GLMN: variants seen among roughly 807,000 people sequenced by gnomAD.
GLMN encodes glomulin.
A neutral mutation model predicts 87.8 loss-of-function variants in GLMN; 75 were observed. The ratio of observed to expected loss-of-function variants is 0.85; its 90% CI spans 0.71 to 1.04. The LOEUF (loss-of-function observed/expected upper bound fraction) is 1.04. GLMN is among the 50% of genes least tolerant of loss of function. The pLI, the probability that GLMN is intolerant of heterozygous loss-of-function variation, is 0.00. For synonymous variants in GLMN, 206 were observed against 221.6 expected, an observed-to-expected ratio of 0.93 and a Z score of 0.63; for missense variants, 588 against 658.8, an observed-to-expected ratio of 0.89 and a Z score of 1.18.
intron 7 of GLMN, among the ~76,000 whole-genome samples, chr1:92,276,098 G>A (rs991939288): frequency 1.3e-5 from 2 of 151,998 alleles, no homozygotes; most frequent in Non-Finnish European, 2.9e-5. Flanking sequence ...GCTGGGGTAT[G>A]CCTGTAAGTC....
chr1:92,286,733 G>T (rs1353811429), intron 6 of GLMN, 141 bp from the exon 7 acceptor site: 1 of 664,292 alleles, frequency 1.5e-6, no homozygotes, highest in South Asian at 1.6e-5. Flanking sequence ...CAAAACTCAT[G>T]TTGAAATTTA....
chr1:92,273,119 A>C lies in GLMN; in HGVS notation c.736-1467T>G, dbSNP rs188513536. Among the ~76,000 whole-genome samples, 107 of 152,286 alleles carry C rather than the reference A, an allele frequency of 7.0e-4. 1 individual carries two copies. Among genetic ancestry groups the C allele is most frequent in the African/African-American group, 2.5e-3 (103 of 41,570 alleles). ...ACTTAAGTGCAAGGTGCTGGGCCTGACTTTGTGGGGAATTATAAAGCCAAG... is the reference window on the plus strand; with the variant it reads ...ACTTAAGTGCAAGGTGCTGGGCCTGCCTTTGTGGGGAATTATAAAGCCAAG... On this transcript the variant is annotated intron_variant, in intron 7 of 18. Coordinates refer to ENST00000370360, the MANE Select transcript of GLMN (RefSeq NM_053274.3).
chr1:92,247,644 C>A (rs1160901880), intron 17 of GLMN, among the ~76,000 whole-genome samples: 2 of 152,162 alleles, frequency 1.3e-5, no homozygotes, highest in South Asian at 2.1e-4. Context: ...AATACAGATT[C>A]TTAATCAGAC....
intron 7 of GLMN, among the ~76,000 whole-genome samples, chr1:92,273,173 T>C (rs1443752826): frequency 1.3e-5 from 2 of 152,152 alleles, no homozygotes; most frequent in Non-Finnish European, 2.9e-5. Flanking sequence ...TTCAGGGACT[T>C]AAAATCTGCT....
At chr1:92,317,462 T>C in the GLMN span, among the ~76,000 whole-genome samples, 1 of 151,994 alleles carries the variant, frequency 6.6e-6, no homozygotes, top group Admixed American at 6.6e-5. Context: ...GAGCCGAGAT[T>C]GTGCCACTGC....
intron 16 of GLMN, among the ~76,000 whole-genome samples, chr1:92,258,972 C>T (rs936294386): frequency 6.6e-6 from 1 of 152,052 alleles, no homozygotes; most frequent in African/African-American, 2.4e-5. Context: ...ATTTATTATA[C>T]AAGATACAGT....
the GLMN span, among the ~76,000 whole-genome samples, chr1:92,348,026 T>C: frequency 6.6e-5 from 10 of 152,044 alleles, no homozygotes; most frequent in Non-Finnish European, 1.5e-4. Context: ...TCTGCTGCCT[T>C]AGCCTCCTGA....
At chr1:92,275,298 T>C (rs1647202061) in intron 7 of GLMN, among the ~76,000 whole-genome samples, 2 of 152,238 alleles carry the variant, frequency 1.3e-5, no homozygotes, top group African/African-American at 4.8e-5. Flanking sequence ...CTCCCCTCAA[T>C]TGTAAGATTC....
the GLMN span, among the ~76,000 whole-genome samples, chr1:92,356,528 C>A: frequency 6.6e-6 from 1 of 151,746 alleles, no homozygotes; most frequent in Non-Finnish European, 1.5e-5. Flanking sequence ...AAGCAATCCT[C>A]CTGCCTCAGC....
intron 9 of GLMN, among the ~76,000 whole-genome samples, chr1:92,269,314 G>A (rs969962202): frequency 1.3e-4 from 20 of 151,532 alleles, no homozygotes; most frequent in Non-Finnish European, 2.8e-4. Flanking sequence ...TGGAAGTCAA[G>A]ACACCTCCTT....
chr1:92,298,312 T>C (rs146684658), intron 1 of GLMN, among the ~76,000 whole-genome samples: 6 of 149,880 alleles, frequency 4.0e-5, no homozygotes, highest in African/African-American at 5.1e-5. Context: ...GAAAGCTACT[T>C]TGAAGGAAAA....
chr1:92,321,588 A>G, the GLMN span, among the ~76,000 whole-genome samples: 5 of 151,954 alleles, frequency 3.3e-5, no homozygotes, highest in Non-Finnish European at 5.9e-5. Flanking sequence ...GTTTGTTTCA[A>G]GTTTGTATTG....
At chr1:92,310,189 A>C in the GLMN span, among the ~76,000 whole-genome samples, 1 of 152,202 alleles carries the variant, frequency 6.6e-6, no homozygotes, top group Non-Finnish European at 1.5e-5. Context: ...GTGTATAACC[A>C]TATCAGTATC....
intron 16 of GLMN, among the ~76,000 whole-genome samples, chr1:92,255,649 C>G (rs1654127893): frequency 6.6e-6 from 1 of 152,138 alleles, no homozygotes; most frequent in South Asian, 2.1e-4. Flanking sequence ...GAACAACCTG[C>G]TCCTGAATGA....
At chr1:92,369,954 G>A in the GLMN span, among the ~76,000 whole-genome samples, 4 of 152,082 alleles carry the variant, frequency 2.6e-5, no homozygotes, top group East Asian at 1.9e-4. Context: ...GTGCGATCTC[G>A]GCTTACTGCA....
Position 92,247,103 on chromosome 1 carries a change from C to T in GLMN, c.1627G>A (p.Gly543Arg). Residue 543 changes from glycine to arginine, a missense_variant, in exon 18 of 19, where the codon GGA (glycine) becomes AGA (arginine). Physicochemically the swap from Gly to Arg is moderately radical, Grantham distance 125. Transcript: ENST00000370360. ...SKDLCSITVS[G>R]EEIPNMPPEM... Reference sequence around the variant, plus strand: ...GGAGGCATATTAGGGATCTCTTCTCCACTTACAGTTATAGAACAAAGATCT... The same window carrying T: ...GGAGGCATATTAGGGATCTCTTCTCTACTTACAGTTATAGAACAAAGATCT... 6.3e-7 allele frequency: 1 copy of T among 1,579,296 alleles called. No homozygotes were observed. Among genetic ancestry groups the T allele is most frequent in the Non-Finnish European group, 8.7e-7 (1 of 1,149,220 alleles).
the GLMN span, chr1:92,324,154 A>G: frequency 1.2e-6 from 2 of 1,614,168 alleles, no homozygotes; most frequent in Non-Finnish European, 1.7e-6. Flanking sequence ...TGAAGATGAC[A>G]TAATCTCAGA....
At chr1:92,336,998 C>T in the GLMN span, among the ~76,000 whole-genome samples, 1 of 152,054 alleles carries the variant, frequency 6.6e-6, no homozygotes, top group Non-Finnish European at 1.5e-5. Context: ...AATACTCACT[C>T]AGGCTAAGAC....
the GLMN span, among the ~76,000 whole-genome samples, chr1:92,345,379 TAAAAAAAAAAA>T: frequency 1.4e-5 from 1 of 73,770 alleles, no homozygotes; most frequent in Non-Finnish European, 2.6e-5. Flanking sequence ...CCCGTTTCTT[TAAAAAAAAAAA>T]AAAAAAAAAA....
Sources: gnomAD v4.1 joint callset for allele counts (sites outside exome capture counted in the v4.1 genomes callset) on GRCh38, gnomAD v4.1.1 for gene constraint, MANE v1.5 for transcripts, NCBI Gene and HGNC (gene_info 2026-07-23, HGNC 2026-07-21) for gene names.